The following PHF24 variants were observed in gnomAD, a reference collection of about 807,000 sequenced individuals.
PHF24 encodes PHD finger protein 24.
Under a neutral mutation model 42.6 loss-of-function variants are expected in PHF24, and 25 were observed. The ratio of observed to expected loss-of-function variants is 0.59; its 90% CI spans 0.43 to 0.82. The LOEUF is 0.82. Ranked by LOEUF, PHF24 falls within the 40% of genes least tolerant of loss-of-function variation. The probability of loss-of-function intolerance (pLI) is 0.00; values close to 1 mark genes in which losing one functional copy is unlikely to be tolerated. For missense variants in PHF24, 470 were observed against 538.1 expected (o/e 0.87, Z 1.25); for synonymous variants, 185 against 204.8 (o/e 0.90, Z 0.83).
chr9:34,880,602 GACA>G, the PHF24 span, among the ~76,000 whole-genome samples: 1 of 152,098 alleles, frequency 6.6e-6, no homozygotes, highest in East Asian at 1.9e-4. Context: ...GATCAAAAGA[GACA>G]AAGAAGGCCA....
chr9:34,703,740 A>G, the PHF24 span, among the ~76,000 whole-genome samples: 1 of 150,350 alleles, frequency 6.7e-6, no homozygotes, highest in African/African-American at 2.4e-5. Context: ...GTTTCTTGTA[A>G]TAAAATGTAG....
chr9:34,734,482 A>G, the PHF24 span, among the ~76,000 whole-genome samples: 2 of 152,226 alleles, frequency 1.3e-5, no homozygotes, highest in African/African-American at 4.8e-5. Flanking sequence ...CTGAGGGGAA[A>G]GGCACCAAGC....
chr9:34,911,873 C>T, the PHF24 span, among the ~76,000 whole-genome samples: 1 of 152,318 alleles, frequency 6.6e-6, no homozygotes, highest in East Asian at 1.9e-4. Flanking sequence ...GCCTGAAGAA[C>T]AATCCAAATG....
chr9:34,894,366 T>G, the PHF24 span: 41 of 398,280 alleles, frequency 1.0e-4, no homozygotes, highest in African/African-American at 7.8e-4. Context: ...TCTTCTCATC[T>G]CTACCCCAAG....
the PHF24 span, among the ~76,000 whole-genome samples, chr9:34,748,635 G>A: frequency 6.6e-6 from 1 of 152,116 alleles, no homozygotes; most frequent in East Asian, 1.9e-4. Context: ...AGGTGGTTGG[G>A]GCGTCCCTTA....
At chr9:34,976,874 C>A in intron 5 of PHF24, 134 bp downstream of exon 5, 1 of 911,338 alleles carries the variant, frequency 1.1e-6, no homozygotes, top group Non-Finnish European at 1.6e-6. Flanking sequence ...AGGTTCCATC[C>A]AGTGACAGAT....
chr9:34,828,593 C>T, the PHF24 span, among the ~76,000 whole-genome samples: 2 of 152,222 alleles, frequency 1.3e-5, no homozygotes, highest in African/African-American at 2.4e-5. Context: ...ATCACACCTT[C>T]ATCACTCATC....
chr9:34,845,537 AT>A, the PHF24 span, among the ~76,000 whole-genome samples: 1 of 152,158 alleles, frequency 6.6e-6, no homozygotes, highest in Non-Finnish European at 1.5e-5. Context: ...TTACAAGAAT[AT>A]GTTATGATTA....
chr9:34,888,073 G>A, the PHF24 span, among the ~76,000 whole-genome samples: 6 of 152,080 alleles, frequency 3.9e-5, no homozygotes, highest in Non-Finnish European at 5.9e-5. Flanking sequence ...TTGATGCCAT[G>A]CCTCTGTTCA....
the PHF24 span, among the ~76,000 whole-genome samples, chr9:34,815,587 G>A: frequency 2.6e-5 from 4 of 152,236 alleles, no homozygotes; most frequent in African/African-American, 9.6e-5. Flanking sequence ...GTCCCCAAGT[G>A]CTGGGATTAC....
At chr9:34,879,360 AC>A in the PHF24 span, among the ~76,000 whole-genome samples, 1 of 152,248 alleles carries the variant, frequency 6.6e-6, no homozygotes, top group Non-Finnish European at 1.5e-5. Context: ...ACAGAGAATG[AC>A]TTTGATGAGT....
At chr9:34,718,705 T>C in the PHF24 span, among the ~76,000 whole-genome samples, 1 of 152,188 alleles carries the variant, frequency 6.6e-6, no homozygotes, top group Admixed American at 6.5e-5. Context: ...CCTGTGTTCA[T>C]CCTGTGTGCC....
At chr9:34,695,198 A>G in the PHF24 span, among the ~76,000 whole-genome samples, 1 of 152,200 alleles carries the variant, frequency 6.6e-6, no homozygotes, top group Non-Finnish European at 1.5e-5. Context: ...TTGAGTTGAT[A>G]AACCAATGGC....
the PHF24 span, among the ~76,000 whole-genome samples, chr9:34,895,933 CA>C: frequency 6.6e-6 from 1 of 152,168 alleles, no homozygotes; most frequent in Non-Finnish European, 1.5e-5. Flanking sequence ...ATTCAATGTT[CA>C]GATGAGGGTG....
At chr9:34,724,301 T>A in the PHF24 span, 391 of 1,551,434 alleles carry the variant, frequency 2.5e-4, 2 homozygotes, top group African/African-American at 4.5e-3. Context: ...AGCTTTGGAA[T>A]TGGATTGCTT....
chr9:34,918,408 T>TAAA, the PHF24 span: 41 of 393,656 alleles, frequency 1.0e-4, no homozygotes, highest in South Asian at 2.9e-4. Context: ...CCAAGGTCTT[T>TAAA]AAAAAAAAAA....
chr9:34,826,260 C>T, the PHF24 span, among the ~76,000 whole-genome samples: 2 of 152,242 alleles, frequency 1.3e-5, no homozygotes, highest in African/African-American at 4.8e-5. Flanking sequence ...TCCCTAAGCA[C>T]TTTACATGCC....
the PHF24 span, among the ~76,000 whole-genome samples, chr9:34,816,893 G>A: frequency 6.6e-6 from 1 of 152,122 alleles, no homozygotes; most frequent in East Asian, 1.9e-4. Context: ...TCCAGTCAAA[G>A]GCAAAACTTA....
the PHF24 span, among the ~76,000 whole-genome samples, chr9:34,719,226 C>T: frequency 6.6e-6 from 1 of 152,108 alleles, no homozygotes; most frequent in Non-Finnish European, 1.5e-5. Context: ...TTAATAGAGA[C>T]AGGGGTTTCA....
Sources: allele counts gnomAD v4.1 joint callset (sites outside exome capture counted in the v4.1 genomes callset), GRCh38; gene constraint gnomAD v4.1.1; transcripts MANE v1.5; gene names NCBI Gene and HGNC (gene_info 2026-07-23, HGNC 2026-07-21).